Variants in PTPRR observed in about 807,000 individuals in gnomAD.
The protein encoded by PTPRR is protein tyrosine phosphatase receptor type R, also known as receptor-type tyrosine-protein phosphatase R.
Under a neutral mutation model 77.2 loss-of-function variants are expected in PTPRR, and 38 were observed. The ratio of observed to expected loss-of-function variants is 0.49; its 90% CI spans 0.38 to 0.65. The LOEUF is 0.65. Ranked by LOEUF, PTPRR falls within the 30% of genes least tolerant of loss-of-function variation. The pLI is 0.00. For missense variants in PTPRR, 744 were observed against 799.2 expected (o/e 0.93, Z 0.83); for synonymous variants, 299 against 283.1 (o/e 1.06, Z -0.57).
intron 8 of PTPRR, among the ~76,000 whole-genome samples, chr12:70,697,627 G>C (rs1252120940): frequency 6.6e-6 from 1 of 151,944 alleles, no homozygotes; most frequent in Non-Finnish European, 1.5e-5. Flanking sequence ...AGAAACCACT[G>C]ACTAATTCAA....
chr12:70,904,277 C>T lies in PTPRR; in HGVS notation c.59-11300G>A, dbSNP rs905500625. Among the ~76,000 whole-genome samples the T allele has an allele frequency of 5.9e-5, 9 of 151,904 alleles. No individual in the cohort carries two copies. In the South Asian group the frequency reaches 6.2e-4, roughly 11 times the overall value. On this transcript the variant is annotated intron_variant, in intron 1 of 13. Coordinates refer to ENST00000283228, the MANE Select transcript of PTPRR (RefSeq NM_002849.4). ...CTGTAAACAAATTTTATTAGCAAGT[C>T]TATTCATAATTGCCCCCAAATGGAA...
At chr12:70,659,405 G>A (rs1322622263) in intron 12 of PTPRR, among the ~76,000 whole-genome samples, 2 of 152,126 alleles carry the variant, frequency 1.3e-5, no homozygotes, top group Non-Finnish European at 1.5e-5. Context: ...AGCTTTGAAG[G>A]GAAAGCCAAT....
intron 2 of PTPRR, among the ~76,000 whole-genome samples, chr12:70,861,484 T>C (rs7296873): frequency 0.66 from 101,040 of 151,982 alleles, 34,430 homozygotes; most frequent in African/African-American, 0.8. Flanking sequence ...TTTGTAGAAG[T>C]CATCAGTCGG....
chr12:70,900,568 A>G (rs147607342), intron 1 of PTPRR, among the ~76,000 whole-genome samples: 1 of 151,584 alleles, frequency 6.6e-6, no homozygotes, highest in East Asian at 1.9e-4. Context: ...CAAAGGAAAC[A>G]ATTAACAAAG....
intron 2 of PTPRR, among the ~76,000 whole-genome samples, chr12:70,820,500 A>AT (rs1192439317): frequency 1.3e-5 from 2 of 152,046 alleles, no homozygotes; most frequent in East Asian, 1.9e-4. Context: ...CGCCTGGCTA[A>AT]TTTTTTGTAT....
intron 1 of PTPRR, among the ~76,000 whole-genome samples, chr12:70,913,600 A>G (rs1273844813): frequency 1.3e-5 from 2 of 152,170 alleles, no homozygotes; most frequent in African/African-American, 2.4e-5. Flanking sequence ...AAGAATGTCT[A>G]TCCATCTAGA....
At chr12:70,880,302 T>C (rs952545722) in intron 2 of PTPRR, among the ~76,000 whole-genome samples, 7 of 152,164 alleles carry the variant, frequency 4.6e-5, no homozygotes, top group African/African-American at 1.4e-4. Context: ...GCTAACTTAG[T>C]CATTGAAGGA....
rs143032298 is a variant in PTPRR at position 70,891,232 on chromosome 12, CATG to C, written c.357+1444_357+1446del. On this transcript the variant is annotated intron_variant, in intron 2 of 13. Coordinates refer to ENST00000283228, the MANE Select transcript of PTPRR (RefSeq NM_002849.4). ...TTCCTCATTGGTGCCTTTTATTGTC[CATG>C]ATATTAAATTAACTAGACAGTACAT... Among the ~76,000 whole-genome samples, 445 of 152,130 alleles carry C rather than the reference CATG, an allele frequency of 2.9e-3. 3 individuals are homozygous for C. Among genetic ancestry groups the C allele is most frequent in the African/African-American group, 0.01 (431 of 41,472 alleles).
chr12:70,849,535 C>A (rs1892539365), intron 2 of PTPRR, among the ~76,000 whole-genome samples: 1 of 152,040 alleles, frequency 6.6e-6, no homozygotes, highest in Non-Finnish European at 1.5e-5. Flanking sequence ...TAACACATCA[C>A]CAAATTTGAG....
chr12:70,745,915 C>A lies in PTPRR; in HGVS notation c.910G>T (p.Asp304Tyr). ...QAPKVLNVVV[D>Y]PQGRGAPEIK... ...TCAGGAGCACCTCGGCCTTGAGGGTCCACGACAACATTCAGTACCTTTGGG... is the reference window on the plus strand; with the variant it reads ...TCAGGAGCACCTCGGCCTTGAGGGTACACGACAACATTCAGTACCTTTGGG... Residue 304 changes from aspartate to tyrosine, a missense_variant, in exon 6 of 14, where the codon GAC becomes TAC. Physicochemically the swap from Asp to Tyr is radical, Grantham distance 160. Around this residue, in one of 3 missense-constraint regions of PTPRR, gnomAD observed 570 missense variants for 573.2 expected, o/e 0.99. Coordinates refer to ENST00000283228, the MANE Select transcript of PTPRR (RefSeq NM_002849.4). 6.2e-7 allele frequency: 1 copy of A among 1,614,026 alleles called. No individual in the cohort carries two copies. Among genetic ancestry groups the A allele is most frequent in the Non-Finnish European group, 8.5e-7 (1 of 1,180,006 alleles).
chr12:70,697,740 A>AT lies in PTPRR; in HGVS notation c.1279+524dup, dbSNP rs141877445. On this transcript the variant is annotated intron_variant, in intron 8 of 13. Transcript: ENST00000283228. ...TGAGTCAATTTTTGTCTTCAACTTC[A>AT]TTTTTTTGCATGTGGATATCTGGTT... Among the ~76,000 whole-genome samples the AT allele has an allele frequency of 2.0e-3, 302 of 151,814 alleles. 5 individuals carry two copies. The East Asian group carries it at 0.025, about 13-fold the overall frequency.
intron 10 of PTPRR, among the ~76,000 whole-genome samples, chr12:70,676,517 T>A (rs947470928): frequency 1.3e-5 from 2 of 152,048 alleles, no homozygotes; most frequent in Non-Finnish European, 2.9e-5. Flanking sequence ...TATTGGTTGC[T>A]TGTATGCCTC....
At chr12:70,902,368 C>G (rs139977324) in intron 1 of PTPRR, among the ~76,000 whole-genome samples, 2 of 151,758 alleles carry the variant, frequency 1.3e-5, no homozygotes, top group Admixed American at 6.6e-5. Flanking sequence ...TGCAAACACA[C>G]GTTTATAGCA....
At chr12:70,907,868 G>C (rs1893644904) in intron 1 of PTPRR, among the ~76,000 whole-genome samples, 1 of 152,040 alleles carries the variant, frequency 6.6e-6, no homozygotes. Flanking sequence ...ATTAAGAGAG[G>C]ACTATCAAAC....
At chr12:70,657,144 T>C (rs1434157715) in intron 12 of PTPRR, among the ~76,000 whole-genome samples, 1 of 152,090 alleles carries the variant, frequency 6.6e-6, no homozygotes, top group Non-Finnish European at 1.5e-5. Context: ...TTTAGGCACA[T>C]TCCCAGTGTG....
intron 6 of PTPRR, among the ~76,000 whole-genome samples, chr12:70,710,274 C>T (rs576368277): frequency 1.3e-5 from 2 of 152,100 alleles, no homozygotes; most frequent in Non-Finnish European, 2.9e-5. Flanking sequence ...TGATCTTCAA[C>T]AAATCTGACA....
intron 2 of PTPRR, among the ~76,000 whole-genome samples, chr12:70,856,492 T>C (rs1016648047): frequency 1.3e-5 from 2 of 152,156 alleles, no homozygotes; most frequent in African/African-American, 4.8e-5. Context: ...ACATTGAACA[T>C]ATTTTCAGGG....
At chr12:70,918,466 A>G (rs987606720) in intron 1 of PTPRR, among the ~76,000 whole-genome samples, 1 of 152,202 alleles carries the variant, frequency 6.6e-6, no homozygotes, top group African/African-American at 2.4e-5. Context: ...AAGTTGAAGT[A>G]GAGATGGATT....
intron 1 of PTPRR, among the ~76,000 whole-genome samples, chr12:70,898,700 G>GA (rs1000062120): frequency 2.0e-5 from 3 of 150,042 alleles, no homozygotes; most frequent in Non-Finnish European, 3.0e-5. Flanking sequence ...TAAGAAACAA[G>GA]AAAAAAGAGT....
Sources: allele counts gnomAD v4.1 joint callset (sites outside exome capture counted in the v4.1 genomes callset), GRCh38; gene constraint gnomAD v4.1.1; regional missense constraint gnomAD v4.1.1; transcripts MANE v1.5; gene names NCBI Gene and HGNC (gene_info 2026-07-23, HGNC 2026-07-21).